The following BCL2 variants were observed in gnomAD, a reference collection of about 807,000 sequenced individuals.
The protein encoded by BCL2 is apoptosis regulator Bcl-2.
A neutral mutation model predicts 14.2 loss-of-function variants in BCL2; 1 was observed. That is an observed-to-expected ratio of 0.07 (90% CI 0.02 to 0.33). The LOEUF is 0.33. Ranked by LOEUF, BCL2 falls within the 10% of genes least tolerant of loss-of-function variation. The pLI, the probability that BCL2 is intolerant of heterozygous loss-of-function variation, is 0.99. For synonymous variants in BCL2, 151 were observed against 137.2 expected (o/e 1.10, Z -0.70); for missense variants, 247 against 305.9 (o/e 0.81, Z 1.44).
At chr18:63,264,901 G>A (rs1016152029) in intron 2 of BCL2, among the ~76,000 whole-genome samples, 5 of 152,282 alleles carry the variant, frequency 3.3e-5, no homozygotes, top group African/African-American at 9.6e-5. Flanking sequence ...AAGTCCTCTC[G>A]GGATGAGGCC....
At chr18:63,169,351 T>TTC (rs1954728379) in intron 2 of BCL2, among the ~76,000 whole-genome samples, 1 of 61,016 alleles carries the variant, frequency 1.6e-5, no homozygotes, top group African/African-American at 8.5e-5. Flanking sequence ...CTTTCTTTCT[T>TTC]TCTTTCTTTC....
chr18:63,127,279 C>A lies in BCL2; in HGVS notation c.*1346G>T, dbSNP rs1315019748. The A allele has an allele frequency of 4.3e-6, 1 of 231,306 alleles. No homozygotes were observed. The highest frequency in any genetic ancestry group is 8.6e-6 in the Non-Finnish European group (1 of 116,846). The allele number at this position is 231,306 out of a possible 1,614,324, so 14.3% of individuals were successfully genotyped here. ...TCACAGGTGGGCCAAGGCCACACAG[C>A]CAACGTGCCATGTGCTACAGCCAAA... On this transcript the variant is annotated 3_prime_UTR_variant, in exon 3 of 3. Coordinates refer to ENST00000333681, the MANE Select transcript of BCL2 (RefSeq NM_000633.3).
intron 2 of BCL2, among the ~76,000 whole-genome samples, chr18:63,221,469 C>G (rs1167870092): frequency 2.6e-5 from 4 of 152,084 alleles, no homozygotes; most frequent in African/African-American, 9.7e-5. Flanking sequence ...GGGAGAGAAA[C>G]AGAGGCCCCA....
At chr18:63,312,119 T>A (rs543014864) in intron 2 of BCL2, among the ~76,000 whole-genome samples, 20 of 152,240 alleles carry the variant, frequency 1.3e-4, no homozygotes, top group Non-Finnish European at 2.5e-4. Flanking sequence ...GGGTGAGGGT[T>A]ATCCTCTCAC....
intron 2 of BCL2, among the ~76,000 whole-genome samples, chr18:63,198,502 TGACACACAGACACACATA>T (rs1909529862): frequency 3.1e-5 from 1 of 31,934 alleles, no homozygotes; most frequent in Admixed American, 3.3e-4. Flanking sequence ...AGACACACAT[TGACACACAGACACACATA>T]GACACAGACA....
chr18:63,288,701 T>C (rs2144264950), intron 2 of BCL2, among the ~76,000 whole-genome samples: 1 of 152,324 alleles, frequency 6.6e-6, no homozygotes, highest in Middle Eastern at 3.4e-3. Context: ...ATGCAACCAA[T>C]TTTAAGAATC....
chr18:63,131,690 G>A (rs1217645731), intron 2 of BCL2, among the ~76,000 whole-genome samples: 4 of 152,226 alleles, frequency 2.6e-5, no homozygotes, highest in African/African-American at 9.6e-5. Context: ...TAGGTTGTCT[G>A]CAATTTGGCT....
intron 2 of BCL2, among the ~76,000 whole-genome samples, chr18:63,286,833 T>C (rs527294048): frequency 2.6e-5 from 4 of 152,214 alleles, no homozygotes; most frequent in South Asian, 2.1e-4. Context: ...CACATGATGA[T>C]TGCATGGAGC....
chr18:63,241,552 C>G (rs1271729302), intron 2 of BCL2, among the ~76,000 whole-genome samples: 1 of 152,204 alleles, frequency 6.6e-6, no homozygotes, highest in African/African-American at 2.4e-5. Context: ...TTGACACTCT[C>G]CTGGGAAAGG....
intron 2 of BCL2, among the ~76,000 whole-genome samples, chr18:63,205,712 A>T (rs940183401): frequency 6.6e-6 from 1 of 152,178 alleles, no homozygotes; most frequent in African/African-American, 2.4e-5. Flanking sequence ...AAGAAGAAGG[A>T]TCTTTTATTA....
intron 2 of BCL2, among the ~76,000 whole-genome samples, chr18:63,210,317 C>T (rs1054750710): frequency 6.6e-6 from 1 of 152,176 alleles, no homozygotes; most frequent in Non-Finnish European, 1.5e-5. Context: ...TCAGGGCTCA[C>T]CCCTGTGGTT....
At chr18:63,235,763 C>A (rs1240324253) in intron 2 of BCL2, among the ~76,000 whole-genome samples, 1 of 151,568 alleles carries the variant, frequency 6.6e-6, no homozygotes, top group East Asian at 2.0e-4. Flanking sequence ...TTATTCTCTG[C>A]ATTTTCTGTT....
intron 2 of BCL2, among the ~76,000 whole-genome samples, chr18:63,220,554 A>G (rs1332939095): frequency 2.0e-5 from 3 of 152,194 alleles, no homozygotes; most frequent in Non-Finnish European, 4.4e-5. Context: ...TTCGTCATCA[A>G]CTCATCCACA....
chr18:63,194,074 C>T (rs1052801747), intron 2 of BCL2, among the ~76,000 whole-genome samples: 5 of 152,164 alleles, frequency 3.3e-5, no homozygotes, highest in African/African-American at 1.2e-4. Flanking sequence ...TTTTGGCAAG[C>T]TAATAGTTTT....
chr18:63,223,095 T>C (rs1910446918), intron 2 of BCL2, among the ~76,000 whole-genome samples: 1 of 152,042 alleles, frequency 6.6e-6, no homozygotes, highest in South Asian at 2.1e-4. Flanking sequence ...GGAAGGGAGA[T>C]GAGTCACTAA....
At chr18:63,198,843 A>ACAAAGACACACAG (rs1909571641) in intron 2 of BCL2, among the ~76,000 whole-genome samples, 2 of 142,498 alleles carry the variant, frequency 1.4e-5, no homozygotes, top group African/African-American at 5.2e-5. Flanking sequence ...ACAGACACAC[A>ACAAAGACACACAG]TAGACACAGA....
chr18:63,299,107 A>G (rs1425697396), intron 2 of BCL2, among the ~76,000 whole-genome samples: 1 of 152,234 alleles, frequency 6.6e-6, no homozygotes, highest in Non-Finnish European at 1.5e-5. Flanking sequence ...GAAATACACG[A>G]ATAGTGATAG....
chr18:63,258,090 A>T (rs1337103171), intron 2 of BCL2, among the ~76,000 whole-genome samples: 1 of 152,162 alleles, frequency 6.6e-6, no homozygotes, highest in African/African-American at 2.4e-5. Flanking sequence ...GCAGAGGAAA[A>T]TGCCATGTGA....
At chr18:63,177,938 C>G (rs1915388751) in intron 2 of BCL2, among the ~76,000 whole-genome samples, 1 of 152,114 alleles carries the variant, frequency 6.6e-6, no homozygotes, top group African/African-American at 2.4e-5. Context: ...ATAAGAGCCC[C>G]GCCAGGTCAG....
Sources: gnomAD v4.1 joint callset for allele counts (sites outside exome capture counted in the v4.1 genomes callset) on GRCh38, gnomAD v4.1.1 for gene constraint, MANE v1.5 for transcripts, NCBI Gene and HGNC (gene_info 2026-07-23, HGNC 2026-07-21) for gene names.